PCP4L1: variants seen among roughly 807,000 people sequenced by gnomAD.
The protein encoded by PCP4L1 is Purkinje cell protein 4 like 1, also known as Purkinje cell protein 4-like protein 1.
In PCP4L1, 9 loss-of-function variants were observed where a neutral mutation model predicts 9.6. The observed-to-expected ratio is 0.94, with a 90% CI of 0.57 to 1.64. The LOEUF is 1.64. Ranked by LOEUF, PCP4L1 falls within the 40% of genes most tolerant of loss-of-function variation. The probability of loss-of-function intolerance (pLI) is 0.00; values close to 1 mark genes in which losing one functional copy is unlikely to be tolerated. For synonymous variants in PCP4L1, 31 were observed against 28.2 expected (o/e 1.10, Z -0.31); for missense variants, 81 against 80.8 (o/e 1.00, Z -0.01).
intron 1 of PCP4L1, among the ~76,000 whole-genome samples, chr1:161,271,918 A>G (rs1166665731): frequency 6.7e-6 from 1 of 149,052 alleles, no homozygotes; most frequent in Non-Finnish European, 1.5e-5. Context: ...ATCGATCCTC[A>G]TACCTCAGCC....
At chr1:161,277,985 C>T (rs1468712198) in intron 1 of PCP4L1, among the ~76,000 whole-genome samples, 3 of 152,120 alleles carry the variant, frequency 2.0e-5, no homozygotes, top group Admixed American at 1.3e-4. Flanking sequence ...GTATTCTTAT[C>T]GAAGGGCAAC....
intron 1 of PCP4L1, 42 bp from the exon 2 acceptor site, chr1:161,283,626 C>T: frequency 6.5e-7 from 1 of 1,530,732 alleles, no homozygotes; most frequent in Non-Finnish European, 8.9e-7. Context: ...CAAATTACTT[C>T]CATGAATATC....
chr1:161,258,785 C>A lies in PCP4L1; in HGVS notation c.-190C>A. 5 of 906,044 alleles carry A rather than the reference C, an allele frequency of 5.5e-6. No homozygotes were observed. The highest frequency in any genetic ancestry group is 4.7e-5 in the South Asian group (3 of 64,096). 56.1% of individuals were successfully genotyped at this position (906,044 alleles called of 1,614,324 possible). On this transcript the variant is annotated 5_prime_UTR_variant, in exon 1 of 3. Transcript: ENST00000504449. ...GACGGGTCGCAGGGGGTCGCCTGGC[C>A]GGAGCTGGGCTCCGAGAATCCCGGG...
intron 2 of PCP4L1, 60 bp from the exon 3 acceptor site, chr1:161,284,279 G>A: frequency 6.2e-7 from 1 of 1,610,654 alleles, no homozygotes; most frequent in South Asian, 1.1e-5. Flanking sequence ...TTGGGGGCCT[G>A]GAGAAAGGGT....
At chr1:161,281,456 G>A (rs1669797105) in intron 1 of PCP4L1, among the ~76,000 whole-genome samples, 1 of 149,840 alleles carries the variant, frequency 6.7e-6, no homozygotes, top group African/African-American at 2.4e-5. Context: ...CGGGGCGGCT[G>A]GCCAGGCGGA....
intron 2 of PCP4L1, among the ~76,000 whole-genome samples, 173 bp from the exon 3 acceptor site, chr1:161,284,166 T>C (rs1427006190): frequency 6.6e-6 from 1 of 152,230 alleles, no homozygotes; most frequent in East Asian, 1.9e-4. Flanking sequence ...CCAGCCTAAG[T>C]ACCTTGACTC....
chr1:161,262,151 C>A (rs969304048), intron 1 of PCP4L1, among the ~76,000 whole-genome samples: 3 of 151,994 alleles, frequency 2.0e-5, no homozygotes, highest in Admixed American at 6.6e-5. Context: ...ATGCCTTCTA[C>A]CGGCCAGGCG....
At chr1:161,275,058 G>C (rs1020882329) in intron 1 of PCP4L1, among the ~76,000 whole-genome samples, 11 of 152,134 alleles carry the variant, frequency 7.2e-5, no homozygotes, top group African/African-American at 2.7e-4. Flanking sequence ...CCATTCCAGG[G>C]CCAGTGATCT....
chr1:161,266,730 A>G (rs1471941100), intron 1 of PCP4L1, among the ~76,000 whole-genome samples: 1 of 152,094 alleles, frequency 6.6e-6, no homozygotes, highest in Non-Finnish European at 1.5e-5. Context: ...TGTATGTAGA[A>G]CCTGCAGTAA....
chr1:161,263,224 T>G (rs1427351966), intron 1 of PCP4L1, among the ~76,000 whole-genome samples: 1 of 148,950 alleles, frequency 6.7e-6, no homozygotes, highest in African/African-American at 2.4e-5. Context: ...ACAGGGTTTT[T>G]GTTTTTGTTT....
chr1:161,263,249 T>TTTTTGTTTTTG (rs1558141459), intron 1 of PCP4L1, among the ~76,000 whole-genome samples: 1 of 130,896 alleles, frequency 7.6e-6, no homozygotes, highest in Non-Finnish European at 1.8e-5. Flanking sequence ...TTTTGTTTTT[T>TTTTTGTTTTTG]TTTGGGTTGG....
intron 1 of PCP4L1, among the ~76,000 whole-genome samples, chr1:161,263,677 A>G (rs1189613603): frequency 6.7e-6 from 1 of 149,818 alleles, no homozygotes; most frequent in Non-Finnish European, 1.5e-5. Context: ...AAGCTCCTGG[A>G]CTTAAGCAAT....
intron 1 of PCP4L1, among the ~76,000 whole-genome samples, chr1:161,264,226 A>G (rs1356045576): frequency 6.6e-6 from 1 of 151,008 alleles, no homozygotes; most frequent in African/African-American, 2.4e-5. Context: ...AGTACTTTTT[A>G]TAAGAAATAT....
chr1:161,266,525 G>T (rs1669533087), intron 1 of PCP4L1, among the ~76,000 whole-genome samples: 1 of 152,170 alleles, frequency 6.6e-6, no homozygotes, highest in South Asian at 2.1e-4. Context: ...CCATGAGCTG[G>T]CATGGCCAAG....
chr1:161,273,570 T>C (rs1669654154), intron 1 of PCP4L1, among the ~76,000 whole-genome samples: 1 of 152,156 alleles, frequency 6.6e-6, no homozygotes, highest in Non-Finnish European at 1.5e-5. Flanking sequence ...TGGAAGCCAG[T>C]AGAATGATCC....
rs1400235587 is a variant in PCP4L1 at position 161,281,723 on chromosome 1, C to G, written c.10-1945C>G. Among the ~76,000 whole-genome samples the G allele has an allele frequency of 2.1e-5, 3 of 141,600 alleles. 1 individual carries two copies. The highest frequency in any genetic ancestry group is 8.2e-5 in the African/African-American group (3 of 36,752). The allele number at this position is 141,600 out of a possible 152,430, so 92.9% of individuals were successfully genotyped here. On this transcript the variant is annotated intron_variant, in intron 1 of 2. Transcript: ENST00000504449. ...TCACTTCTCAGACGGGGCGGCCGGG[C>G]AGAGACGCTCCTCACCTCCCAGACG...
At chr1:161,281,831 G>A (rs1315660080) in intron 1 of PCP4L1, among the ~76,000 whole-genome samples, 1 of 45,682 alleles carries the variant, frequency 2.2e-5, no homozygotes, top group Non-Finnish European at 3.7e-5. Flanking sequence ...GGACGGGGCG[G>A]CGGGGCAGAG....
chr1:161,272,642 AGTT>A (rs1167906513), intron 1 of PCP4L1, among the ~76,000 whole-genome samples: 1 of 151,540 alleles, frequency 6.6e-6, no homozygotes, highest in African/African-American at 2.4e-5. Flanking sequence ...CTCTAATGGT[AGTT>A]GGAAAAGAAA....
intron 1 of PCP4L1, among the ~76,000 whole-genome samples, chr1:161,282,106 T>G (rs1669830172): frequency 6.6e-6 from 1 of 152,136 alleles, no homozygotes; most frequent in Non-Finnish European, 1.5e-5. Flanking sequence ...CATTGAGCAC[T>G]GAGTGAACAA....
Sources: allele counts gnomAD v4.1 joint callset (sites outside exome capture counted in the v4.1 genomes callset), GRCh38; gene constraint gnomAD v4.1.1; transcripts MANE v1.5; gene names NCBI Gene and HGNC (gene_info 2026-07-23, HGNC 2026-07-21).